PRRX1: variants seen among roughly 807,000 people sequenced by gnomAD.
The protein encoded by PRRX1 is paired related homeobox 1, also known as paired mesoderm homeobox protein 1.
A neutral mutation model predicts 24.0 loss-of-function variants in PRRX1; 8 were observed. The observed-to-expected ratio is 0.33, with a 90% CI of 0.20 to 0.60. The LOEUF is 0.60. Ranked by LOEUF, PRRX1 falls within the 20% of genes least tolerant of loss-of-function variation. The pLI, the probability that PRRX1 is intolerant of heterozygous loss-of-function variation, is 0.82. For missense variants in PRRX1, 281 were observed against 322.4 expected (o/e 0.87, Z 0.98); for synonymous variants, 160 against 131.7 (o/e 1.22, Z -1.47).
At chr1:170,663,052 C>G (rs570130235), upstream of PRRX1, 1 of 152,108 alleles carries the variant, frequency 6.6e-6, no homozygotes, top group African/African-American at 2.4e-5. Flanking sequence ...TTCTCTCTCT[C>G]TCTCTCTCCC....
intron 3 of PRRX1, among the ~76,000 whole-genome samples, chr1:170,729,964 A>T (rs539318330): frequency 6.6e-6 from 1 of 152,234 alleles, no homozygotes; most frequent in East Asian, 1.9e-4. Flanking sequence ...GGTAGCAGTG[A>T]TCAACCAAGT....
intron 1 of PRRX1, chr1:170,669,205 T>A (rs1038118661): frequency 3.3e-5 from 5 of 151,718 alleles, no homozygotes; most frequent in African/African-American, 1.2e-4. Context: ...TTTCAGAGCA[T>A]CTCTCCCATG....
chr1:170,702,658 C>T (rs1176998257), intron 1 of PRRX1, among the ~76,000 whole-genome samples: 1 of 152,150 alleles, frequency 6.6e-6, no homozygotes, highest in Non-Finnish European at 1.5e-5. Context: ...CACATGTTTT[C>T]CATTCTTCTA....
chr1:170,690,849 G>GA (rs368268730), intron 1 of PRRX1, among the ~76,000 whole-genome samples: 28 of 152,208 alleles, frequency 1.8e-4, no homozygotes, highest in Non-Finnish European at 3.2e-4. Context: ...AAATGTAAGA[G>GA]ACTACAGAGA....
intron 3 of PRRX1, among the ~76,000 whole-genome samples, chr1:170,729,866 T>G: frequency 6.6e-6 from 1 of 152,312 alleles, no homozygotes; most frequent in East Asian, 1.9e-4. Context: ...ACTATTTTTC[T>G]TAGGCAACTT....
rs1655652960 is a variant in PRRX1, at chr1:170,737,449, G to A, written c.*1263G>A. ...CCTTGAGTTTGGAGCCTGAGCTCTG[G>A]TGAAATGCTGATACATCTGATCTAT... On this transcript the variant is annotated 3_prime_UTR_variant, in exon 4 of 4. Coordinates refer to ENST00000239461, the MANE Select transcript of PRRX1 (RefSeq NM_022716.4). 5.0e-6 allele frequency: 1 copy of A among 199,574 alleles called. No homozygotes were observed. Among genetic ancestry groups the A allele is most frequent in the Non-Finnish European group, 1.0e-5 (1 of 96,774 alleles). The allele number at this position is 199,574 out of a possible 1,614,324, so 12.4% of individuals were successfully genotyped here. A position where few individuals can be genotyped will look rare whatever the true frequency, so the allele number is the denominator to read the frequency against.
Position 170,676,331 on chromosome 1 carries a change from C to CT in PRRX1, c.241+11882dup, listed in dbSNP as rs1286227407. ...CTATTTAAATTTATATCTCCCCTCT[C>CT]TTTTTTTTTTCTTTACTTCACATTC... On this transcript the variant is annotated intron_variant, in intron 1 of 3. Transcript: ENST00000239461. Among the ~76,000 whole-genome samples, 81 of 128,090 alleles carry CT rather than the reference C, an allele frequency of 6.3e-4. No individual in the cohort carries two copies. The East Asian group carries it at 0.013, about 21-fold the overall frequency. 84.0% of individuals were successfully genotyped at this position (128,090 alleles called of 152,430 possible). A position where few individuals can be genotyped will look rare whatever the true frequency, so the allele number is the denominator to read the frequency against.
intron 1 of PRRX1, among the ~76,000 whole-genome samples, chr1:170,717,377 C>T (rs1051158145): frequency 5.9e-5 from 9 of 152,130 alleles, no homozygotes; most frequent in African/African-American, 2.2e-4. Flanking sequence ...AAGAACAAAA[C>T]ATAAAATATT....
At chr1:170,713,341 G>A (rs2101912759) in intron 1 of PRRX1, among the ~76,000 whole-genome samples, 1 of 152,244 alleles carries the variant, frequency 6.6e-6, no homozygotes, top group East Asian at 1.9e-4. Flanking sequence ...GGACTACATG[G>A]AAAACCTTGC....
Position 170,719,828 on chromosome 1 carries a change from G to A in PRRX1, c.344G>A (p.Arg115Gln), listed in dbSNP as rs1400715118. The change falls in exon 2 of 4, where the codon CGG (arginine) becomes CAG (glutamine). Residue 115 changes from arginine (R) to glutamine (Q), a missense_variant. Arg to Gln is a conservative substitution (Grantham distance 43). Transcript: ENST00000239461. ...QLQALERVFE[R>Q]THYPDAFVRE... is the part of the protein sequence containing the mutation. The stretch of plus-strand genomic sequence containing the variant: ...CAGGCTTTGGAGCGTGTCTTTGAGC[G>A]GACACACTATCCTGATGCTTTTGTG... 7 of 1,614,058 alleles carry A rather than the reference G, an allele frequency of 4.3e-6. No homozygotes were observed. The highest frequency in any genetic ancestry group is 2.2e-5 in the East Asian group (1 of 44,896).
At chr1:170,669,922 G>C (rs557120051) in intron 1 of PRRX1, among the ~76,000 whole-genome samples, 1 of 152,150 alleles carries the variant, frequency 6.6e-6, no homozygotes, top group Non-Finnish European at 1.5e-5. Flanking sequence ...ATTGCATTTC[G>C]CTTATTTTTC....
intron 1 of PRRX1, among the ~76,000 whole-genome samples, chr1:170,694,912 G>T (rs12130326): frequency 0.046 from 7,012 of 152,200 alleles, 236 homozygotes; most frequent in Middle Eastern, 0.12. Flanking sequence ...GAGGCTAAAG[G>T]CATCAATGCT....
intron 1 of PRRX1, among the ~76,000 whole-genome samples, chr1:170,696,847 G>A (rs559816482): frequency 9.3e-4 from 142 of 152,162 alleles, no homozygotes; most frequent in African/African-American, 3.3e-3. Flanking sequence ...AATTTAGCTC[G>A]GCTCATTCCT....
intron 1 of PRRX1, among the ~76,000 whole-genome samples, chr1:170,717,505 C>G (rs1363820852): frequency 1.3e-5 from 2 of 152,090 alleles, no homozygotes; most frequent in Non-Finnish European, 2.9e-5. Context: ...GAAAACAAGT[C>G]ATGGGATTGG....
At chr1:170,710,312 T>C (rs1654706122) in intron 1 of PRRX1, among the ~76,000 whole-genome samples, 2 of 152,342 alleles carry the variant, frequency 1.3e-5, no homozygotes, top group African/African-American at 4.8e-5. Context: ...AACTATCCTA[T>C]AACTCCACAA....
In PRRX1 at chr1:170,688,559, T is replaced by C. The variant is rs1571323465; in HGVS notation, c.241+24100T>C. ...AATAAAATTTTATGTTTAAAAGGTA[T>C]GAATATTGACTTATTTAAATAAAAA... is the stretch of plus-strand genomic sequence containing the variant. On this transcript the variant is annotated intron_variant, in intron 1 of 3. Transcript: ENST00000239461. 5.3e-5 allele frequency among the ~76,000 whole-genome samples: 8 copies of C among 152,264 alleles called. No homozygotes were observed. In the South Asian group the frequency reaches 1.7e-3, roughly 32 times the overall value.
chr1:170,697,214 G>A (rs1188864412), intron 1 of PRRX1, among the ~76,000 whole-genome samples: 1 of 152,178 alleles, frequency 6.6e-6, no homozygotes, highest in Non-Finnish European at 1.5e-5. Context: ...GATAAGCCAT[G>A]TCTTTCTTAG....
At chr1:170,681,401 A>C (rs1367506055) in intron 1 of PRRX1, among the ~76,000 whole-genome samples, 1 of 152,118 alleles carries the variant, frequency 6.6e-6, no homozygotes, top group Admixed American at 6.5e-5. Context: ...GCATTTATTC[A>C]GTGGAACATA....
At chr1:170,676,138 A>T (rs1427958571) in intron 1 of PRRX1, among the ~76,000 whole-genome samples, 1 of 152,180 alleles carries the variant, frequency 6.6e-6, no homozygotes, top group Admixed American at 6.5e-5. Context: ...TAATCATGGA[A>T]CCAAAATCTG....
Sources: gnomAD v4.1 joint callset for allele counts (sites outside exome capture counted in the v4.1 genomes callset) on GRCh38, gnomAD v4.1.1 for gene constraint, MANE v1.5 for transcripts, NCBI Gene and HGNC (gene_info 2026-07-23, HGNC 2026-07-21) for gene names.